The following SMAP1 variants were observed in gnomAD, a reference collection of about 807,000 sequenced individuals.
SMAP1 encodes stromal membrane-associated protein 1.
SMAP1 carries 24 observed loss-of-function variants against 58.5 expected under a neutral mutation model. That is an observed-to-expected ratio of 0.41 (90% CI 0.30 to 0.58). The LOEUF is 0.58. Ranked by LOEUF, SMAP1 falls within the 20% of genes least tolerant of loss-of-function variation. SMAP1 has a pLI of 0.29. For missense variants in SMAP1, 563 were observed against 566.3 expected (o/e 0.99, Z 0.06); for synonymous variants, 216 against 196.6 (o/e 1.10, Z -0.82).
At chr6:70,773,310 T>G in intron 3 of SMAP1, 40 bp from the exon 4 acceptor site, 2 of 1,271,458 alleles carry the variant, frequency 1.6e-6, no homozygotes, top group Non-Finnish European at 1.1e-6. Flanking sequence ...AGTGTACATA[T>G]CACTGAATTC....
At chr6:70,736,602 G>A (rs75043660) in intron 2 of SMAP1, among the ~76,000 whole-genome samples, 1 of 152,176 alleles carries the variant, frequency 6.6e-6, no homozygotes, top group Admixed American at 6.5e-5. Flanking sequence ...ATTAGTAGAT[G>A]TCTTTATTCT....
intron 9 of SMAP1, chr6:70,857,680 G>T: frequency 2.0e-6 from 1 of 511,658 alleles, no homozygotes; most frequent in Non-Finnish European, 3.5e-6. Context: ...TTGTGTGGCT[G>T]TTGCATATGA....
intron 1 of SMAP1, among the ~76,000 whole-genome samples, chr6:70,725,209 C>T (rs529378113): frequency 2.9e-5 from 4 of 139,720 alleles, no homozygotes; most frequent in East Asian, 2.3e-4. Flanking sequence ...CTCTGCCTCC[C>T]GGGTTCACAT....
Position 70,831,958 on chromosome 6 carries a change from A to G in SMAP1, c.577-4983A>G, listed in dbSNP as rs554517301. On this transcript the variant is annotated intron_variant, in intron 6 of 10. Coordinates refer to ENST00000370455, the MANE Select transcript of SMAP1 (RefSeq NM_001044305.3). The stretch of plus-strand genomic sequence containing the variant: ...TTTTTAAATTTTTTTAATGATAGGC[A>G]CTCTGACTGATGTGAGGTGGTGTCT... 2.5e-4 allele frequency among the ~76,000 whole-genome samples: 38 copies of G among 151,890 alleles called. 2 individuals carry two copies. In the South Asian group the frequency reaches 7.7e-3, roughly 31 times the overall value.
At chr6:70,702,434 T>G (rs1171476933) in intron 1 of SMAP1, among the ~76,000 whole-genome samples, 1 of 152,132 alleles carries the variant, frequency 6.6e-6, no homozygotes, top group Non-Finnish European at 1.5e-5. Context: ...TAGTTGCTAT[T>G]GCTTTGTCTT....
intron 6 of SMAP1, among the ~76,000 whole-genome samples, chr6:70,818,611 T>C (rs753976690): frequency 6.6e-6 from 1 of 152,132 alleles, no homozygotes; most frequent in African/African-American, 2.4e-5. Context: ...ATCTCTCTCT[T>C]CTTTCCTGGC....
chr6:70,857,390 G>C, intron 9 of SMAP1: 1 of 172,214 alleles, frequency 5.8e-6, no homozygotes, highest in Admixed American at 5.9e-5. Context: ...TTACCACATG[G>C]ATTAAAAAAA....
At chr6:70,738,100 C>A (rs898737708) in intron 2 of SMAP1, among the ~76,000 whole-genome samples, 4 of 152,150 alleles carry the variant, frequency 2.6e-5, no homozygotes. Flanking sequence ...CACCTGGAAT[C>A]GTGTGGCTGG....
intron 6 of SMAP1, among the ~76,000 whole-genome samples, chr6:70,820,156 C>G (rs1469252261): frequency 6.6e-6 from 1 of 151,988 alleles, no homozygotes; most frequent in African/African-American, 2.4e-5. Context: ...ATGTTATAAG[C>G]AAAAATATAA....
chr6:70,668,162 G>A, intron 1 of SMAP1, 21 bp downstream of exon 1: 3 of 1,586,346 alleles, frequency 1.9e-6, no homozygotes, highest in East Asian at 2.4e-5. Context: ...CGTCGTCGCT[G>A]CCCACGGTCG....
At chr6:70,723,806 TA>T (rs1035578614) in intron 1 of SMAP1, among the ~76,000 whole-genome samples, 1 of 152,152 alleles carries the variant, frequency 6.6e-6, no homozygotes, top group Admixed American at 6.5e-5. Flanking sequence ...ATTTTTTTCC[TA>T]AAAAAATAGC....
intron 4 of SMAP1, among the ~76,000 whole-genome samples, chr6:70,786,669 C>T (rs1768048576): frequency 6.6e-6 from 1 of 152,126 alleles, no homozygotes; most frequent in Non-Finnish European, 1.5e-5. Flanking sequence ...AACAGACAAA[C>T]AGAGAGCCAA....
chr6:70,724,059 A>C (rs1469694628), intron 1 of SMAP1, among the ~76,000 whole-genome samples: 2 of 151,742 alleles, frequency 1.3e-5, no homozygotes, highest in Admixed American at 1.3e-4. Context: ...ATTTAATGTC[A>C]GTCTTGTTTC....
At chr6:70,784,831 T>TA (rs1475713259) in intron 4 of SMAP1, among the ~76,000 whole-genome samples, 11 of 152,098 alleles carry the variant, frequency 7.2e-5, no homozygotes, top group Admixed American at 2.0e-4. Context: ...CATAAAGACT[T>TA]AGACTCCCAC....
chr6:70,689,052 T>C (rs1360177817), intron 1 of SMAP1, among the ~76,000 whole-genome samples: 5 of 152,072 alleles, frequency 3.3e-5, no homozygotes, highest in Admixed American at 6.6e-5. Context: ...CAGGCTGGAA[T>C]GCAGTGGTGC....
intron 1 of SMAP1, among the ~76,000 whole-genome samples, chr6:70,687,234 A>G (rs1211025388): frequency 6.6e-6 from 1 of 152,198 alleles, no homozygotes; most frequent in Non-Finnish European, 1.5e-5. Flanking sequence ...ATTTTAAAAA[A>G]TGAGGATTAT....
intron 1 of SMAP1, among the ~76,000 whole-genome samples, chr6:70,673,317 T>C (rs1271526924): frequency 6.6e-6 from 1 of 152,208 alleles, no homozygotes; most frequent in African/African-American, 2.4e-5. Flanking sequence ...AACCACTTAG[T>C]GTCTGTAGAC....
At chr6:70,812,461 A>G (rs1769432982) in intron 6 of SMAP1, among the ~76,000 whole-genome samples, 1 of 152,182 alleles carries the variant, frequency 6.6e-6, no homozygotes, top group Non-Finnish European at 1.5e-5. Flanking sequence ...CACAGAAACC[A>G]TTGGCCTGTA....
chr6:70,698,697 A>G (rs1268577711), intron 1 of SMAP1, among the ~76,000 whole-genome samples: 1 of 152,180 alleles, frequency 6.6e-6, no homozygotes, highest in Admixed American at 6.5e-5. Context: ...ATTCTTCAGT[A>G]TGTCAGTTGA....
Sources: gnomAD v4.1 joint callset for allele counts (sites outside exome capture counted in the v4.1 genomes callset) on GRCh38, gnomAD v4.1.1 for gene constraint, MANE v1.5 for transcripts, NCBI Gene and HGNC (gene_info 2026-07-23, HGNC 2026-07-21) for gene names.